BEND2: variants seen among roughly 807,000 people sequenced by gnomAD.
BEND2 encodes BEN domain containing 2, also known as BEN domain-containing protein 2.
A neutral mutation model predicts 43.8 loss-of-function variants in BEND2; 19 were observed. That is an observed-to-expected ratio of 0.43 (90% CI 0.30 to 0.64). BEND2 has a LOEUF of 0.64. BEND2 is among the 30% of genes least tolerant of loss of function. The pLI is 0.11. For missense variants in BEND2, 544 were observed against 574.0 expected, an observed-to-expected ratio of 0.95 and a Z score of 0.53; for synonymous variants, 226 against 210.1, an observed-to-expected ratio of 1.08 and a Z score of -0.66.
At chrX:18,180,677 A>G (rs976196414) in intron 8 of BEND2, 27 bp from the exon 9 acceptor site, 9 of 1,114,788 alleles carry the variant, frequency 8.1e-6, no homozygotes, top group Admixed American at 2.2e-5. Context: ...CTCAACTGAC[A>G]ATTCTATATC....
intron 13 of BEND2, among the ~76,000 whole-genome samples, chrX:18,165,451 C>T (rs759074673): frequency 1.8e-5 from 2 of 111,973 alleles, no homozygotes; most frequent in South Asian, 7.4e-4. Flanking sequence ...CAACAATCTC[C>T]CATGACCTTG....
chrX:18,215,773 C>T (rs897591196), intron 2 of BEND2, among the ~76,000 whole-genome samples: 6 of 112,227 alleles, frequency 5.3e-5, no homozygotes, highest in Non-Finnish European at 7.5e-5. Context: ...CCAACATAGG[C>T]AATAACATTT....
intron 13 of BEND2, among the ~76,000 whole-genome samples, chrX:18,170,011 A>C (rs1342928397): frequency 3.6e-5 from 4 of 112,087 alleles, no homozygotes; most frequent in Non-Finnish European, 7.5e-5. Flanking sequence ...AAATACATTC[A>C]TTTCAGAATT....
chrX:18,190,766 TCACA>T (rs1300015009), intron 8 of BEND2, among the ~76,000 whole-genome samples: 98 of 93,007 alleles, frequency 1.1e-3, no homozygotes, highest in African/African-American at 3.3e-3. Flanking sequence ...TCTCTCTCTC[TCACA>T]CACACACACA....
At chrX:18,217,241 A>G in intron 1 of BEND2, among the ~76,000 whole-genome samples, 2 of 113,057 alleles carry the variant, frequency 1.8e-5, no homozygotes, top group Middle Eastern at 9.2e-3. Flanking sequence ...ATAGGTAATG[A>G]CAAATATACC....
rs191708133 is a variant in BEND2, at chrX:18,163,309, T to A, written c.*1700A>T. 113 of 111,489 alleles carry A rather than the reference T, an allele frequency of 1.0e-3. No homozygotes were observed. Among genetic ancestry groups the A allele is most frequent in the African/African-American group, 3.4e-3 (104 of 30,742 alleles). The allele number at this position is 111,489 out of a possible 1,213,427, so 9.2% of individuals were successfully genotyped here. On this transcript the variant is annotated 3_prime_UTR_variant, in exon 14 of 14. Coordinates refer to ENST00000380033, the MANE Select transcript of BEND2 (RefSeq NM_153346.5). ...GGAACCACTTTTAAACACTTTTTTTTATAAATAAGAGGCATTTTGAACTGT... is the reference window on the plus strand; with the variant it reads ...GGAACCACTTTTAAACACTTTTTTTAATAAATAAGAGGCATTTTGAACTGT...
rs915281570 is a variant in BEND2, at chrX:18,219,863, G to A, written c.25+863C>T. Among the ~76,000 whole-genome samples the A allele has an allele frequency of 9.9e-5, 11 of 111,649 alleles. No homozygotes were observed. In the South Asian group the frequency reaches 3.0e-3, roughly 30 times the overall value. On this transcript the variant is annotated intron_variant, in intron 1 of 13. Transcript: ENST00000380033. Reference sequence around the variant, plus strand: ...GGAGGCTGCAGTGAGCCGACATGGCGCCCCTGCACTCCCACCTGGGCACCA... The same window carrying A: ...GGAGGCTGCAGTGAGCCGACATGGCACCCCTGCACTCCCACCTGGGCACCA...
chrX:18,184,846 C>G (rs1191414703), intron 8 of BEND2, among the ~76,000 whole-genome samples: 1 of 111,240 alleles, frequency 9.0e-6, no homozygotes, highest in Non-Finnish European at 1.9e-5. Flanking sequence ...CCCAGAGAAA[C>G]AGAGATATCT....
intron 13 of BEND2, among the ~76,000 whole-genome samples, chrX:18,169,389 A>G (rs1312046516): frequency 9.0e-6 from 1 of 110,670 alleles, no homozygotes; most frequent in Non-Finnish European, 1.9e-5. Context: ...AAAACACGAA[A>G]TGTCTATTAT....
Position 18,185,777 on chromosome X carries a change from C to T in BEND2, c.1289-5127G>A, listed in dbSNP as rs184400049. On this transcript the variant is annotated intron_variant, in intron 8 of 13. Coordinates refer to ENST00000380033, the MANE Select transcript of BEND2 (RefSeq NM_153346.5). ...GACCTCCAATACGACGGGCAGCAGACTTTTCAGTGGAAATCTTGCAGGCCA... is the reference window on the plus strand; with the variant it reads ...GACCTCCAATACGACGGGCAGCAGATTTTTCAGTGGAAATCTTGCAGGCCA... 9.2e-4 allele frequency among the ~76,000 whole-genome samples: 101 copies of T among 110,171 alleles called. 1 individual carries two copies. In the East Asian group the frequency reaches 0.019, roughly 20 times the overall value.
chrX:18,201,883 G>C lies in BEND2; in HGVS notation c.965C>G (p.Pro322Arg). Reference sequence around the variant, plus strand: ...GCCATTGTAATTTCCCATTAAAGTTGGATAATTCGCTGTCTCAGTGCTGTT... The same window carrying C: ...GCCATTGTAATTTCCCATTAAAGTTCGATAATTCGCTGTCTCAGTGCTGTT... The part of the protein sequence containing the change: ...SKNSTETANY[P>R]TLMGNYNGQN... Residue 322 changes from proline (P) to arginine (R), a missense_variant, in exon 6 of 14, where the codon CCA becomes CGA. This residue lies in a region of BEND2 where 501 missense variants were observed against 501.6 expected (regional missense o/e 1.00). Coordinates refer to ENST00000380033, the MANE Select transcript of BEND2 (RefSeq NM_153346.5). The C allele has an allele frequency of 4.1e-6, 5 of 1,209,554 alleles. No individual in the cohort carries two copies. The highest frequency in any genetic ancestry group is 5.6e-6 in the Non-Finnish European group (5 of 894,530).
intron 8 of BEND2, among the ~76,000 whole-genome samples, chrX:18,181,044 G>C (rs1340590398): frequency 4.5e-5 from 5 of 110,832 alleles, no homozygotes; most frequent in Non-Finnish European, 9.4e-5. Context: ...CAAAATGCTG[G>C]AGACCTACTC....
At chrX:18,167,990 G>C (rs1923867087) in intron 13 of BEND2, among the ~76,000 whole-genome samples, 2 of 112,626 alleles carry the variant, frequency 1.8e-5, no homozygotes, top group Admixed American at 1.9e-4. Flanking sequence ...AATCATGAAG[G>C]ATCAGGGCAA....
At chrX:18,179,894 A>G (rs1192366516) in intron 9 of BEND2, among the ~76,000 whole-genome samples, 2 of 112,347 alleles carry the variant, frequency 1.8e-5, no homozygotes, top group African/African-American at 6.5e-5. Context: ...CATGAGCTTT[A>G]GGCCAGTTAC....
Position 18,165,228 on chromosome X carries a change from TGGTAAA to T in BEND2, c.2186-11_2186-6del. 8.4e-7 allele frequency: 1 copy of T among 1,185,562 alleles called. No individual in the cohort carries two copies. The highest frequency in any genetic ancestry group is 1.1e-6 in the Non-Finnish European group (1 of 872,639). On this transcript the variant is annotated splice_region_variant and splice_polypyrimidine_tract_variant and intron_variant, in intron 13 of 13. Coordinates refer to ENST00000380033, the MANE Select transcript of BEND2 (RefSeq NM_153346.5). Reference sequence around the variant, plus strand: ...GGTAGTTTTCTTGGAGGAACTCTGATGGTAAAGACCCAAGACATAACAGTTACTTGC... The same window carrying T: ...GGTAGTTTTCTTGGAGGAACTCTGATGACCCAAGACATAACAGTTACTTGC...
chrX:18,176,277 A>G (rs759184541), intron 10 of BEND2, among the ~76,000 whole-genome samples, 184 bp from the exon 11 acceptor site: 5 of 103,505 alleles, frequency 4.8e-5, no homozygotes, highest in African/African-American at 1.4e-4. Context: ...TAGAAATTCC[A>G]CCCAATGAGG....
chrX:18,197,595 G>A (rs1351178239), intron 6 of BEND2, among the ~76,000 whole-genome samples: 3 of 111,457 alleles, frequency 2.7e-5, no homozygotes, highest in East Asian at 2.8e-4. Context: ...AACATGGGCC[G>A]CTGCCATTTC....
chrX:18,197,675 G>A (rs959971077), intron 6 of BEND2, among the ~76,000 whole-genome samples: 4 of 111,091 alleles, frequency 3.6e-5, no homozygotes, highest in Non-Finnish European at 5.7e-5. Context: ...CTCGGCATAC[G>A]TACAGAAAGA....
chrX:18,219,553 A>G (rs1925787700), intron 1 of BEND2, among the ~76,000 whole-genome samples: 1 of 112,915 alleles, frequency 8.9e-6, no homozygotes, highest in East Asian at 2.8e-4. Context: ...CTCAGACTCT[A>G]TGTCTCAACC....
Sources: gnomAD v4.1 joint callset for allele counts (sites outside exome capture counted in the v4.1 genomes callset) on GRCh38, gnomAD v4.1.1 for gene constraint, gnomAD v4.1.1 regional missense constraint, MANE v1.5 for transcripts, NCBI Gene and HGNC (gene_info 2026-07-23, HGNC 2026-07-21) for gene names.